KCNMA1: variants seen among roughly 807,000 people sequenced by gnomAD.
KCNMA1 encodes Calcium-activated potassium channel subunit alpha-1.
In KCNMA1, 29 loss-of-function variants were observed where a neutral mutation model predicts 140.0. The ratio of observed to expected loss-of-function variants is 0.21; its 90% CI spans 0.15 to 0.28. The LOEUF is 0.28. Among genes scored for constraint, KCNMA1 ranks in the 10% least tolerant of loss-of-function variants. The probability of loss-of-function intolerance (pLI) is 1.00; values close to 1 mark genes in which losing one functional copy is unlikely to be tolerated. For synonymous variants in KCNMA1, 612 were observed against 611.9 expected (o/e 1.00, Z 0.00); for missense variants, 880 against 1,602.2 (o/e 0.55, Z 7.70).
intron 19 of KCNMA1, chr10:76,970,443 T>C (rs981968717): frequency 8.8e-6 from 2 of 227,696 alleles, no homozygotes; most frequent in Non-Finnish European, 1.8e-5. Flanking sequence ...AGACTGCGTT[T>C]TGTTGTAACC....
chr10:76,932,965 T>A (rs916868672), intron 23 of KCNMA1, among the ~76,000 whole-genome samples: 12 of 152,144 alleles, frequency 7.9e-5, no homozygotes, highest in African/African-American at 2.7e-4. Context: ...TGGTACTGTG[T>A]AATAGTACAT....
At chr10:77,503,252 A>G (rs2044571932) in intron 1 of KCNMA1, among the ~76,000 whole-genome samples, 1 of 152,224 alleles carries the variant, frequency 6.6e-6, no homozygotes, top group Admixed American at 6.5e-5. Context: ...TTAAAAATAT[A>G]ACAATAAAAT....
At chr10:77,589,129 G>A (rs1443757026) in intron 1 of KCNMA1, among the ~76,000 whole-genome samples, 1 of 152,188 alleles carries the variant, frequency 6.6e-6, no homozygotes, top group Non-Finnish European at 1.5e-5. Context: ...GACCTGTAAT[G>A]TACCAATCCC....
intron 1 of KCNMA1, among the ~76,000 whole-genome samples, chr10:77,520,451 G>T (rs191899671): frequency 1.3e-5 from 2 of 152,118 alleles, no homozygotes; most frequent in Admixed American, 6.5e-5. Flanking sequence ...GGGCTGGTGA[G>T]GACTCAAGGA....
At chr10:77,213,945 C>T (rs1357072884) in intron 3 of KCNMA1, among the ~76,000 whole-genome samples, 5 of 152,100 alleles carry the variant, frequency 3.3e-5, no homozygotes, top group Non-Finnish European at 7.4e-5. Flanking sequence ...CCCGACATCC[C>T]ACCCCTGGCC....
chr10:77,241,517 GC>G (rs1459939031), intron 3 of KCNMA1, among the ~76,000 whole-genome samples: 1 of 151,948 alleles, frequency 6.6e-6, no homozygotes, highest in Non-Finnish European at 1.5e-5. Flanking sequence ...GCATGATGGT[GC>G]CCAGCTGTAG....
chr10:76,991,951 C>T (rs1331411841), intron 19 of KCNMA1, among the ~76,000 whole-genome samples: 1 of 152,200 alleles, frequency 6.6e-6, no homozygotes, highest in Non-Finnish European at 1.5e-5. Context: ...AGTGCCAGCT[C>T]TAGGGCTGGA....
At chr10:77,112,505 T>C in intron 6 of KCNMA1, 63 bp from the exon 7 acceptor site, 1 of 1,278,892 alleles carries the variant, frequency 7.8e-7, no homozygotes, top group Non-Finnish European at 1.1e-6. Flanking sequence ...TGGGGCTGCC[T>C]TACAGGGTAA....
intron 5 of KCNMA1, among the ~76,000 whole-genome samples, chr10:77,127,754 C>T (rs944166691): frequency 2.6e-5 from 4 of 152,132 alleles, no homozygotes; most frequent in African/African-American, 9.7e-5. Context: ...GGACTGATCA[C>T]TTGAGGTCAG....
chr10:77,271,247 A>G (rs1437891246), intron 2 of KCNMA1, among the ~76,000 whole-genome samples: 5 of 152,240 alleles, frequency 3.3e-5, no homozygotes, highest in African/African-American at 1.2e-4. Context: ...GAAGTGCCCA[A>G]TGGGCACATG....
chr10:77,135,646 C>T (rs1033105353), intron 5 of KCNMA1, among the ~76,000 whole-genome samples: 1 of 152,192 alleles, frequency 6.6e-6, no homozygotes, highest in African/African-American at 2.4e-5. Flanking sequence ...TACACAATGG[C>T]ATATTATTCA....
intron 2 of KCNMA1, among the ~76,000 whole-genome samples, chr10:77,352,702 G>A (rs1306520464): frequency 6.6e-6 from 1 of 152,086 alleles, no homozygotes; most frequent in African/African-American, 2.4e-5. Context: ...GTGAGCACTG[G>A]CCTATGGCCA....
intron 2 of KCNMA1, among the ~76,000 whole-genome samples, chr10:77,371,238 TATG>T (rs1197328176): frequency 6.6e-6 from 1 of 152,176 alleles, no homozygotes; most frequent in Non-Finnish European, 1.5e-5. Context: ...CTCTGCTCAG[TATG>T]ATATGTGACC....
At chr10:77,015,276 G>T (rs536494663) in intron 17 of KCNMA1, among the ~76,000 whole-genome samples, 1 of 152,138 alleles carries the variant, frequency 6.6e-6, no homozygotes, top group South Asian at 2.1e-4. Context: ...CCCCCCGGGT[G>T]CCCTCCTGTA....
At chr10:77,413,349 G>A (rs1322113445) in intron 1 of KCNMA1, among the ~76,000 whole-genome samples, 1 of 152,026 alleles carries the variant, frequency 6.6e-6, no homozygotes, top group Non-Finnish European at 1.5e-5. Context: ...TGCTGGGGCT[G>A]GGTCTTCCGT....
At chr10:76,958,056 T>C (rs2069125313) in intron 20 of KCNMA1, among the ~76,000 whole-genome samples, 2 of 152,190 alleles carry the variant, frequency 1.3e-5, no homozygotes, top group Admixed American at 1.3e-4. Context: ...AAAGCTTCTA[T>C]TGCTAGAAGA....
At chr10:76,985,475 T>C (rs1345320597) in intron 19 of KCNMA1, among the ~76,000 whole-genome samples, 2 of 152,246 alleles carry the variant, frequency 1.3e-5, no homozygotes, top group Admixed American at 6.5e-5. Flanking sequence ...TTAAAAAATG[T>C]ACCTAAACCA....
At chr10:76,963,361 C>G (rs1181094468) in intron 20 of KCNMA1, among the ~76,000 whole-genome samples, 2 of 152,206 alleles carry the variant, frequency 1.3e-5, no homozygotes, top group Non-Finnish European at 2.9e-5. Flanking sequence ...TGTGGACCAG[C>G]AAGCTATATC....
intron 1 of KCNMA1, among the ~76,000 whole-genome samples, chr10:77,461,247 AG>A (rs2097861644): frequency 6.6e-6 from 1 of 151,240 alleles, no homozygotes; most frequent in Non-Finnish European, 1.5e-5. Flanking sequence ...TTTTCAAAAA[AG>A]AGGCCTCCCT....
Sources: gnomAD v4.1 joint callset for allele counts (sites outside exome capture counted in the v4.1 genomes callset) on GRCh38, gnomAD v4.1.1 for gene constraint, MANE v1.5 for transcripts, NCBI Gene and HGNC (gene_info 2026-07-23, HGNC 2026-07-21) for gene names.